Variants in SUPT3H observed in about 807,000 individuals in gnomAD.
The protein encoded by SUPT3H is SPT3 homolog, SAGA and STAGA complex component, also known as transcription initiation protein SPT3 homolog.
A neutral mutation model predicts 44.3 loss-of-function variants in SUPT3H; 44 were observed. That is an observed-to-expected ratio of 0.99 (90% confidence interval 0.78 to 1.28). The LOEUF (loss-of-function observed/expected upper bound fraction) is 1.28. Ranked by LOEUF, SUPT3H falls within the 50% of genes most tolerant of loss-of-function variation. The probability of loss-of-function intolerance (pLI) is 0.00; values close to 1 mark genes in which losing one functional copy is unlikely to be tolerated. For missense variants in SUPT3H, 380 were observed against 387.1 expected (o/e 0.98, Z 0.15); for synonymous variants, 124 against 125.6 (o/e 0.99, Z 0.09).
intron 2 of SUPT3H, among the ~76,000 whole-genome samples, chr6:45,176,537 A>T (rs1160526168): frequency 6.6e-6 from 1 of 152,046 alleles, no homozygotes; most frequent in Non-Finnish European, 1.5e-5. Flanking sequence ...TAGGTAAACA[A>T]AGCAGCCAGG....
At chr6:45,032,175 C>G (rs1787039606) in intron 3 of SUPT3H, among the ~76,000 whole-genome samples, 1 of 151,984 alleles carries the variant, frequency 6.6e-6, no homozygotes, top group Non-Finnish European at 1.5e-5. Context: ...ATTCTGTATC[C>G]AAAGATTGCT....
chr6:44,994,696 A>C (rs1781046476), intron 6 of SUPT3H, among the ~76,000 whole-genome samples: 1 of 152,088 alleles, frequency 6.6e-6, no homozygotes, highest in Non-Finnish European at 1.5e-5. Context: ...CCTGGACCTA[A>C]AACTTCTATA....
rs552410438 is a variant in SUPT3H at position 45,291,807 on chromosome 6, TAAG to T, written c.101+73391_101+73393del. On this transcript the variant is annotated intron_variant, in intron 2 of 10. Transcript: ENST00000371459. ...TGGGCTTATGTTAAACAACCAAATC[TAAG>T]AATAATCGGTGTCCCCAAGGAAGAA... 2.1e-4 allele frequency among the ~76,000 whole-genome samples: 32 copies of T among 152,200 alleles called. No individual in the cohort carries two copies. The South Asian group carries it at 5.2e-3, about 25-fold the overall frequency.
At chr6:45,099,118 C>A in intron 3 of SUPT3H, 1 of 350,362 alleles carries the variant, frequency 2.9e-6, no homozygotes. Flanking sequence ...CCTAGTCTTC[C>A]ACACCCCCAA....
At chr6:45,065,179 T>C (rs924655479) in intron 3 of SUPT3H, among the ~76,000 whole-genome samples, 4 of 151,868 alleles carry the variant, frequency 2.6e-5, no homozygotes, top group African/African-American at 9.7e-5. Flanking sequence ...CTCAACTATA[T>C]GGAAACTGAA....
chr6:45,035,904 A>G (rs1229549266), intron 3 of SUPT3H, among the ~76,000 whole-genome samples: 1 of 149,800 alleles, frequency 6.7e-6, no homozygotes, highest in East Asian at 1.9e-4. Flanking sequence ...GAAGAGAAAG[A>G]AAAAAAAAAG....
At chr6:44,849,228 T>TTTC (rs1772431700) in intron 10 of SUPT3H, among the ~76,000 whole-genome samples, 1 of 139,630 alleles carries the variant, frequency 7.2e-6, no homozygotes, top group African/African-American at 2.7e-5. Flanking sequence ...TACTTTTTTT[T>TTTC]TTTTTTTTTT....
chr6:44,877,220 A>G (rs946204175), intron 10 of SUPT3H, among the ~76,000 whole-genome samples: 2 of 152,152 alleles, frequency 1.3e-5, no homozygotes, highest in African/African-American at 4.8e-5. Context: ...TAATCCCAGC[A>G]CTTTGGGAGG....
chr6:44,977,156 T>C (rs1183880791), intron 6 of SUPT3H, among the ~76,000 whole-genome samples: 2 of 152,280 alleles, frequency 1.3e-5, no homozygotes, highest in Middle Eastern at 3.4e-3. Context: ...GAAAGGAGAA[T>C]TGTTTTTGCA....
chr6:44,974,465 A>G (rs1050732055), intron 6 of SUPT3H, among the ~76,000 whole-genome samples: 10 of 152,140 alleles, frequency 6.6e-5, no homozygotes, highest in Admixed American at 1.3e-4. Flanking sequence ...GTACTTCTCA[A>G]TGAAATACCA....
intron 10 of SUPT3H, among the ~76,000 whole-genome samples, chr6:44,916,036 T>C (rs555083225): frequency 2.6e-5 from 4 of 152,360 alleles, no homozygotes; most frequent in South Asian, 4.1e-4. Flanking sequence ...GTGTTATTGC[T>C]GAACAATTTT....
At chr6:45,100,488 C>T (rs1258892556) in intron 3 of SUPT3H, among the ~76,000 whole-genome samples, 1 of 135,436 alleles carries the variant, frequency 7.4e-6, no homozygotes, top group Non-Finnish European at 1.5e-5. Context: ...GGGGAAATGG[C>T]TTGCACCCAG....
intron 10 of SUPT3H, among the ~76,000 whole-genome samples, chr6:44,868,255 G>C (rs866897893): frequency 6.6e-6 from 1 of 152,156 alleles, no homozygotes; most frequent in Admixed American, 6.5e-5. Context: ...ACAAGTTCTT[G>C]TTAGAATGTT....
chr6:44,863,487 G>A (rs1582057460), intron 10 of SUPT3H, among the ~76,000 whole-genome samples: 1 of 152,252 alleles, frequency 6.6e-6, no homozygotes. Context: ...GTAAATGACA[G>A]AATAAGCCAT....
At position 44,953,293 on chromosome 6, in the gene SUPT3H, AT is replaced by A. The variant is rs751493051; in HGVS notation, c.801+16del. ...AAAATTCACAAATGTTTTAAGACAG[AT>A]TTTTTTTGTACTTACCTCAGCAGAG... On this transcript the variant is annotated intron_variant, in intron 9 of 10. Transcript: ENST00000371459. The A allele has an allele frequency of 1.6e-5, 26 of 1,598,588 alleles. No individual in the cohort carries two copies. The highest frequency in any genetic ancestry group is 5.4e-5 in the African/African-American group (4 of 74,712).
chr6:45,281,082 T>C (rs538144300), intron 2 of SUPT3H, among the ~76,000 whole-genome samples: 75 of 152,328 alleles, frequency 4.9e-4, no homozygotes, highest in African/African-American at 1.6e-3. Context: ...ACTGTTTTAG[T>C]TTTTAATATC....
At chr6:45,016,612 T>C (rs1243634929) in intron 4 of SUPT3H, among the ~76,000 whole-genome samples, 1 of 151,222 alleles carries the variant, frequency 6.6e-6, no homozygotes, top group East Asian at 2.0e-4. Context: ...TTTGTCCTTG[T>C]GATAGTTTAC....
intron 2 of SUPT3H, among the ~76,000 whole-genome samples, chr6:45,217,876 C>T (rs934563805): frequency 6.7e-6 from 1 of 149,676 alleles, no homozygotes; most frequent in African/African-American, 2.5e-5. Context: ...AGTGACAGAG[C>T]AAGACTCTGT....
intron 3 of SUPT3H, among the ~76,000 whole-genome samples, chr6:45,047,120 T>C (rs1789524903): frequency 1.3e-5 from 2 of 152,246 alleles, no homozygotes; most frequent in South Asian, 4.1e-4. Flanking sequence ...TATAGGATTT[T>C]CTAGCTATAT....
Sources: gnomAD v4.1 joint callset for allele counts (sites outside exome capture counted in the v4.1 genomes callset) on GRCh38, gnomAD v4.1.1 for gene constraint, MANE v1.5 for transcripts, NCBI Gene and HGNC (gene_info 2026-07-23, HGNC 2026-07-21) for gene names.